Variants in PDE7B observed in about 807,000 individuals in gnomAD.
PDE7B encodes phosphodiesterase 7B.
A neutral mutation model predicts 56.2 loss-of-function variants in PDE7B; 29 were observed. That is an observed-to-expected ratio of 0.52 (90% CI 0.38 to 0.70). The LOEUF is 0.70. Among genes scored for constraint, PDE7B ranks in the 30% least tolerant of loss-of-function variants. The pLI, the probability that PDE7B is intolerant of heterozygous loss-of-function variation, is 0.00. For missense variants in PDE7B, 490 were observed against 565.0 expected (o/e 0.87, Z 1.35); for synonymous variants, 197 against 196.9 (o/e 1.00, Z 0.00).
At chr6:136,031,996 T>G (rs1174435727) in intron 2 of PDE7B, among the ~76,000 whole-genome samples, 2 of 152,206 alleles carry the variant, frequency 1.3e-5, no homozygotes. Context: ...TGCATCTCAC[T>G]TATTTTAAAA....
intron 2 of PDE7B, among the ~76,000 whole-genome samples, chr6:136,023,023 T>C (rs771269824): frequency 1.3e-5 from 2 of 152,048 alleles, no homozygotes; most frequent in African/African-American, 2.4e-5. Flanking sequence ...CACTCTTCCA[T>C]TTTACCCCTC....
intron 5 of PDE7B, 134 bp from the exon 6 acceptor site, chr6:136,151,026 A>G: frequency 1.8e-6 from 1 of 567,664 alleles, no homozygotes; most frequent in East Asian, 2.8e-5. Context: ...TCTATCCTTG[A>G]ATAATTTCAC....
At chr6:136,135,673 GTATTT>G (rs1778202119) in intron 3 of PDE7B, among the ~76,000 whole-genome samples, 1 of 151,924 alleles carries the variant, frequency 6.6e-6, no homozygotes, top group Admixed American at 6.6e-5. Context: ...GGGAGTCATA[GTATTT>G]TATTTTAAAA....
At chr6:135,958,406 G>C (rs898117764) in intron 2 of PDE7B, among the ~76,000 whole-genome samples, 15 of 151,916 alleles carry the variant, frequency 9.9e-5, no homozygotes, top group African/African-American at 3.6e-4. Context: ...TTTTAATTTT[G>C]ACCCCAAAAC....
chr6:136,186,644 G>A (rs1779150497), intron 11 of PDE7B, among the ~76,000 whole-genome samples: 1 of 152,152 alleles, frequency 6.6e-6, no homozygotes, highest in African/African-American at 2.4e-5. Flanking sequence ...CTAGGGTCAG[G>A]CAGCGTGAAA....
chr6:136,059,319 T>C lies in PDE7B; in HGVS notation c.83-49412T>C, dbSNP rs1334380906. 3.3e-5 allele frequency among the ~76,000 whole-genome samples: 5 copies of C among 152,228 alleles called. No homozygotes were observed. In the East Asian group the frequency reaches 9.6e-4, roughly 29 times the overall value. ...AAAAGATGGAAGAATGAATGCAGAC[T>C]TCATCTCTGACCCCAATTGCTTAAT... On this transcript the variant is annotated intron_variant, in intron 2 of 12. Coordinates refer to ENST00000308191, the MANE Select transcript of PDE7B (RefSeq NM_018945.4).
intron 5 of PDE7B, among the ~76,000 whole-genome samples, chr6:136,150,313 G>A (rs555910701): frequency 6.6e-6 from 1 of 152,252 alleles, no homozygotes; most frequent in Admixed American, 6.5e-5. Flanking sequence ...TTTCCTGTAT[G>A]TTTTCTTCCA....
chr6:136,052,367 A>G (rs1776644449), intron 2 of PDE7B, among the ~76,000 whole-genome samples: 1 of 152,212 alleles, frequency 6.6e-6, no homozygotes, highest in African/African-American at 2.4e-5. Flanking sequence ...TATGTGGAGC[A>G]GTTTTTGATG....
At chr6:136,085,675 G>A (rs1280723548) in intron 2 of PDE7B, among the ~76,000 whole-genome samples, 2 of 152,168 alleles carry the variant, frequency 1.3e-5, no homozygotes, top group African/African-American at 2.4e-5. Context: ...AAGAGTGGAG[G>A]CAAAGTAGTG....
intron 1 of PDE7B, among the ~76,000 whole-genome samples, chr6:135,876,665 T>C (rs1204828324): frequency 6.6e-6 from 1 of 152,092 alleles, no homozygotes; most frequent in Non-Finnish European, 1.5e-5. Flanking sequence ...AAGACCAGCC[T>C]GGCCAACATG....
chr6:136,024,742 A>G (rs1776123964), intron 2 of PDE7B, among the ~76,000 whole-genome samples: 1 of 152,234 alleles, frequency 6.6e-6, no homozygotes, highest in South Asian at 2.1e-4. Context: ...CCCTAGTTCA[A>G]TTCGAGAATA....
chr6:136,035,802 A>G (rs1371434537), intron 2 of PDE7B, among the ~76,000 whole-genome samples: 1 of 152,244 alleles, frequency 6.6e-6, no homozygotes, highest in Non-Finnish European at 1.5e-5. Flanking sequence ...ATGGAAATGT[A>G]TATCCTTGGA....
chr6:136,141,044 A>C (rs1217808752), intron 3 of PDE7B, among the ~76,000 whole-genome samples: 2 of 152,144 alleles, frequency 1.3e-5, no homozygotes, highest in Non-Finnish European at 2.9e-5. Flanking sequence ...GTATTGTGCC[A>C]GTTTTCAAAG....
At chr6:135,907,769 T>C (rs115662652) in intron 1 of PDE7B, among the ~76,000 whole-genome samples, 1 of 152,246 alleles carries the variant, frequency 6.6e-6, no homozygotes, top group African/African-American at 2.4e-5. Context: ...TAAAACTTAT[T>C]GAATAAACAG....
intron 1 of PDE7B, among the ~76,000 whole-genome samples, chr6:135,943,411 C>G (rs912100888): frequency 1.3e-5 from 2 of 152,118 alleles, no homozygotes; most frequent in African/African-American, 4.8e-5. Context: ...TTGCAAACAG[C>G]CAGTGGTTAG....
At chr6:135,954,746 G>T (rs926280813) in intron 2 of PDE7B, among the ~76,000 whole-genome samples, 4 of 152,118 alleles carry the variant, frequency 2.6e-5, no homozygotes, top group African/African-American at 7.2e-5. Context: ...CACCTTGAGG[G>T]TTATGGTTTA....
intron 2 of PDE7B, among the ~76,000 whole-genome samples, chr6:135,977,825 G>C (rs1264644308): frequency 2.6e-5 from 4 of 151,932 alleles, no homozygotes; most frequent in Admixed American, 6.6e-5. Context: ...TATTAGGTGG[G>C]GGCAAAAGTA....
intron 1 of PDE7B, among the ~76,000 whole-genome samples, chr6:135,871,864 TTTA>T (rs1325054614): frequency 6.9e-6 from 1 of 145,330 alleles, no homozygotes; most frequent in Non-Finnish European, 1.5e-5. Flanking sequence ...TTAACTATTG[TTTA>T]TTATTATTGT....
intron 1 of PDE7B, among the ~76,000 whole-genome samples, chr6:135,864,020 C>T (rs1198937588): frequency 6.6e-6 from 1 of 151,912 alleles, no homozygotes; most frequent in Admixed American, 6.6e-5. Flanking sequence ...TTTTTCTCTC[C>T]TCACTTTCCT....
Sources: gnomAD v4.1 joint callset for allele counts (sites outside exome capture counted in the v4.1 genomes callset) on GRCh38, gnomAD v4.1.1 for gene constraint, MANE v1.5 for transcripts, NCBI Gene and HGNC (gene_info 2026-07-23, HGNC 2026-07-21) for gene names.